GALNT13: variants seen among roughly 807,000 people sequenced by gnomAD.
The protein encoded by GALNT13 is UDP-GalNAc:polypeptide N-acetylgalactosaminyltransferase 13.
Under a neutral mutation model 64.2 loss-of-function variants are expected in GALNT13, and 28 were observed. The ratio of observed to expected loss-of-function variants is 0.44; its 90% CI spans 0.32 to 0.60. GALNT13 has a LOEUF of 0.60. GALNT13 is among the 20% of genes least tolerant of loss of function. GALNT13 has a pLI of 0.05. For synonymous variants in GALNT13, 214 were observed against 224.6 expected, an observed-to-expected ratio of 0.95 and a Z score of 0.42; for missense variants, 577 against 669.8, an observed-to-expected ratio of 0.86 and a Z score of 1.53.
the GALNT13 span, among the ~76,000 whole-genome samples, chr2:153,779,877 C>T: frequency 6.6e-6 from 1 of 152,090 alleles, no homozygotes; most frequent in Admixed American, 6.6e-5. Context: ...CCTCTGAAGT[C>T]TCTGAATAAA....
At chr2:154,003,942 G>T (rs564332533) in intron 3 of GALNT13, among the ~76,000 whole-genome samples, 5 of 152,126 alleles carry the variant, frequency 3.3e-5, no homozygotes, top group African/African-American at 4.8e-5. Flanking sequence ...ACAGCCTGTA[G>T]AACCCTGAGC....
the GALNT13 span, among the ~76,000 whole-genome samples, chr2:153,604,644 TTTGAG>T: frequency 6.6e-6 from 1 of 152,076 alleles, no homozygotes; most frequent in African/African-American, 2.4e-5. Context: ...AGCTTGATAG[TTTGAG>T]TTATGTGTGG....
chr2:153,105,764 C>T, the GALNT13 span, among the ~76,000 whole-genome samples: 1 of 152,008 alleles, frequency 6.6e-6, no homozygotes, highest in Non-Finnish European at 1.5e-5. Flanking sequence ...CTCCCATTCA[C>T]AATTGCTTCA....
the GALNT13 span, among the ~76,000 whole-genome samples, chr2:153,339,195 A>G: frequency 6.6e-6 from 1 of 152,086 alleles, no homozygotes; most frequent in African/African-American, 2.4e-5. Flanking sequence ...AGAACTTCCA[A>G]CCTGTTTTCC....
the GALNT13 span, among the ~76,000 whole-genome samples, chr2:153,120,677 T>C: frequency 6.6e-6 from 1 of 152,202 alleles, no homozygotes; most frequent in African/African-American, 2.4e-5. Context: ...TTATCTTTAA[T>C]ATAAAGATAA....
intron 8 of GALNT13, among the ~76,000 whole-genome samples, chr2:154,298,670 C>CATTGTATATATAATGTATATATAA (rs1693180244): frequency 1.7e-4 from 1 of 5,808 alleles, no homozygotes; most frequent in Non-Finnish European, 3.4e-4. Flanking sequence ...TTTATATATA[C>CATTGTATATATAATGTATATATAA]ATTGTATATA....
chr2:154,402,914 A>G (rs1280756084), intron 10 of GALNT13, among the ~76,000 whole-genome samples: 1 of 152,176 alleles, frequency 6.6e-6, no homozygotes, highest in East Asian at 1.9e-4. Flanking sequence ...TATCCTTTAC[A>G]TCTCAAAAGA....
the GALNT13 span, among the ~76,000 whole-genome samples, chr2:153,286,128 A>G: frequency 6.6e-6 from 1 of 152,164 alleles, no homozygotes; most frequent in African/African-American, 2.4e-5. Context: ...ATGATGTAAA[A>G]GAAATCTGCC....
the GALNT13 span, among the ~76,000 whole-genome samples, chr2:153,815,508 T>C: frequency 6.6e-6 from 1 of 151,416 alleles, no homozygotes; most frequent in African/African-American, 2.4e-5. Flanking sequence ...GATGATACAA[T>C]TACAATTTTT....
At chr2:153,285,252 A>G in the GALNT13 span, among the ~76,000 whole-genome samples, 4 of 152,128 alleles carry the variant, frequency 2.6e-5, no homozygotes, top group Non-Finnish European at 5.9e-5. Flanking sequence ...CCATGGTCCA[A>G]TTACCTCTAC....
chr2:153,408,791 T>G, the GALNT13 span, among the ~76,000 whole-genome samples: 2 of 152,062 alleles, frequency 1.3e-5, no homozygotes, highest in African/African-American at 2.4e-5. Flanking sequence ...CTTTATTGGG[T>G]TGAAGGATGC....
At chr2:154,266,345 G>T (rs970082058) in intron 8 of GALNT13, among the ~76,000 whole-genome samples, 1 of 151,994 alleles carries the variant, frequency 6.6e-6, no homozygotes, top group Non-Finnish European at 1.5e-5. Context: ...AATTCCAGAA[G>T]ACAAGATTAT....
chr2:153,671,699 CA>C, the GALNT13 span, among the ~76,000 whole-genome samples: 73 of 152,198 alleles, frequency 4.8e-4, no homozygotes, highest in Middle Eastern at 3.4e-3. Context: ...TCACACATAA[CA>C]ATATTAACCT....
intron 2 of GALNT13, among the ~76,000 whole-genome samples, chr2:153,913,798 C>T (rs1689147082): frequency 1.3e-5 from 2 of 151,954 alleles, no homozygotes. Context: ...CTGTGTCTTC[C>T]CTCCATCTGT....
At chr2:153,705,594 C>T in the GALNT13 span, among the ~76,000 whole-genome samples, 2 of 152,142 alleles carry the variant, frequency 1.3e-5, no homozygotes, top group East Asian at 3.9e-4. Flanking sequence ...TCTCATTCTC[C>T]TTGGACAAAC....
chr2:154,063,307 T>C (rs1398250130), intron 3 of GALNT13, among the ~76,000 whole-genome samples: 1 of 152,202 alleles, frequency 6.6e-6, no homozygotes, highest in Non-Finnish European at 1.5e-5. Context: ...TATTTTAGCA[T>C]TTAATGATGC....
the GALNT13 span, among the ~76,000 whole-genome samples, chr2:153,515,060 T>C: frequency 1.3e-5 from 2 of 152,146 alleles, no homozygotes; most frequent in Non-Finnish European, 2.9e-5. Context: ...TAAGATCCAT[T>C]AACCTTTCTG....
At chr2:153,361,690 A>G in the GALNT13 span, among the ~76,000 whole-genome samples, 1 of 152,172 alleles carries the variant, frequency 6.6e-6, no homozygotes, top group Non-Finnish European at 1.5e-5. Context: ...AATGAAAAGG[A>G]ACAAACAAAA....
At chr2:153,321,497 AT>A in the GALNT13 span, among the ~76,000 whole-genome samples, 2 of 152,240 alleles carry the variant, frequency 1.3e-5, no homozygotes, top group Non-Finnish European at 2.9e-5. Context: ...TGGCAAAAAA[AT>A]CATACAAAAA....
Sources: gnomAD v4.1 joint callset for allele counts (sites outside exome capture counted in the v4.1 genomes callset) on GRCh38, gnomAD v4.1.1 for gene constraint, MANE v1.5 for transcripts, NCBI Gene and HGNC (gene_info 2026-07-23, HGNC 2026-07-21) for gene names.